ALPK2: variants seen among roughly 807,000 people sequenced by gnomAD.
ALPK2 encodes alpha-protein kinase 2.
Under a neutral mutation model 163.1 loss-of-function variants are expected in ALPK2, and 127 were observed. The observed-to-expected ratio is 0.78, with a 90% confidence interval of 0.67 to 0.90. The LOEUF (loss-of-function observed/expected upper bound fraction) is 0.90. Ranked by LOEUF, ALPK2 falls within the 40% of genes least tolerant of loss-of-function variation. The probability of loss-of-function intolerance (pLI) is 0.00; values close to 1 mark genes in which losing one functional copy is unlikely to be tolerated. For synonymous variants in ALPK2, 953 were observed against 959.1 expected (o/e 0.99, Z 0.12); for missense variants, 2,360 against 2,589.6 (o/e 0.91, Z 1.92).
chr18:58,555,208 C>A (rs1203082330), intron 4 of ALPK2, among the ~76,000 whole-genome samples: 1 of 152,212 alleles, frequency 6.6e-6, no homozygotes, highest in Admixed American at 6.5e-5. Context: ...CGAGTAACAA[C>A]TGGTTAAGCC....
chr18:58,526,792 T>C (rs1424208001), intron 6 of ALPK2, among the ~76,000 whole-genome samples: 1 of 152,214 alleles, frequency 6.6e-6, no homozygotes, highest in East Asian at 1.9e-4. Flanking sequence ...CGCTTTAGCC[T>C]GTTAAGGAAA....
Position 58,523,793 on chromosome 18 carries a change from C to G in ALPK2, c.5665+13G>C. 1 of 1,614,194 alleles carries G rather than the reference C, an allele frequency of 6.2e-7. No individual in the cohort carries two copies. Among genetic ancestry groups the G allele is most frequent in the East Asian group, 2.2e-5 (1 of 44,892 alleles). ...GCCCATTTCCTCTGGCAGGTCAACC[C>G]TAACTGACTTACCTTTAGTATCCTG... is the stretch of plus-strand genomic sequence containing the variant. On this transcript the variant is annotated intron_variant, in intron 8 of 12. Transcript: ENST00000361673.
chr18:58,490,505 C>T (rs1221969595), intron 12 of ALPK2, among the ~76,000 whole-genome samples: 4 of 152,104 alleles, frequency 2.6e-5, no homozygotes, highest in African/African-American at 9.7e-5. Context: ...TCCTGGCACT[C>T]TCTGCCTTTC....
At chr18:58,595,410 T>A (rs1298939174) in intron 3 of ALPK2, among the ~76,000 whole-genome samples, 1 of 152,240 alleles carries the variant, frequency 6.6e-6, no homozygotes, top group Admixed American at 6.5e-5. Context: ...GAAGTCCTTA[T>A]GATCACTCCT....
intron 4 of ALPK2, among the ~76,000 whole-genome samples, chr18:58,565,762 C>CCTTTCTTTCTTTCTTT (rs2051849020): frequency 7.0e-6 from 1 of 143,220 alleles, no homozygotes; most frequent in Admixed American, 7.0e-5. Flanking sequence ...TTCCTTCCTT[C>CCTTTCTTTCTTTCTTT]CTTCCTTCCT....
At chr18:58,618,425 G>A (rs866964668) in intron 1 of ALPK2, among the ~76,000 whole-genome samples, 5 of 152,296 alleles carry the variant, frequency 3.3e-5, no homozygotes, top group Admixed American at 6.5e-5. Flanking sequence ...GATGTGGGGC[G>A]TGGATTCCTG....
In ALPK2 at chr18:58,579,819, G is replaced by A. The variant is rs778839906; in HGVS notation, c.957C>T (p.Thr319=). The change falls in exon 4 of 13, where the codon ACC becomes ACT. Residue 319 remains threonine (T), a synonymous_variant. Transcript: ENST00000361673. ...CCAGGTCATCATCTGAAAACTCCTC[G>A]GTGTAGGTTAGGGTTATCTCTGGGC... ...ELCPEITLTY[T]EEFSDDDLEY... 40 of 1,613,928 alleles carry A rather than the reference G, an allele frequency of 2.5e-5. No individual in the cohort carries two copies. The highest frequency in any genetic ancestry group is 3.3e-5 in the Admixed American group (2 of 60,002).
chr18:58,582,974 G>A (rs1428571112), intron 3 of ALPK2, among the ~76,000 whole-genome samples: 1 of 152,142 alleles, frequency 6.6e-6, no homozygotes, highest in Non-Finnish European at 1.5e-5. Flanking sequence ...TAAGTAGCAG[G>A]CTTCAGAGGG....
At chr18:58,515,588 C>T (rs2051517048) in intron 9 of ALPK2, among the ~76,000 whole-genome samples, 1 of 152,060 alleles carries the variant, frequency 6.6e-6, no homozygotes, top group South Asian at 2.1e-4. Context: ...GGAGGTTTTC[C>T]AAGACTGTGT....
intron 5 of ALPK2, among the ~76,000 whole-genome samples, chr18:58,534,453 G>A (rs1225412500): frequency 2.6e-5 from 4 of 152,284 alleles, no homozygotes; most frequent in East Asian, 1.9e-4. Flanking sequence ...ACTGATTAAT[G>A]CTTCTGTTTA....
intron 11 of ALPK2, among the ~76,000 whole-genome samples, chr18:58,501,779 G>T (rs2051432473): frequency 6.6e-6 from 1 of 151,978 alleles, no homozygotes; most frequent in African/African-American, 2.4e-5. Context: ...TCTCTGCAGG[G>T]TTATTATGAA....
rs9958735 is a variant in ALPK2 at position 58,579,948 on chromosome 18, T to G, written c.828A>C (p.Leu276=). Residue 276 remains leucine (L), a synonymous_variant, in exon 4 of 13, where the codon CTA becomes CTC. Transcript: ENST00000361673. ...VQKYISFSLP[L]SEATAHIYPG... Reference sequence around the variant, plus strand: ...GGTAAATGTGTGCAGTTGCCTCAGATAGCGGGAGGCTGAAGCTAATGTATT... The same window carrying G: ...GGTAAATGTGTGCAGTTGCCTCAGAGAGCGGGAGGCTGAAGCTAATGTATT... 12 of 1,613,892 alleles carry G rather than the reference T, an allele frequency of 7.4e-6. No homozygotes were observed. The highest frequency in any genetic ancestry group is 9.3e-6 in the Non-Finnish European group (11 of 1,179,958).
At chr18:58,609,952 C>T (rs1035166956) in intron 2 of ALPK2, among the ~76,000 whole-genome samples, 5 of 152,070 alleles carry the variant, frequency 3.3e-5, no homozygotes, top group African/African-American at 1.2e-4. Flanking sequence ...AGAGGCTGAG[C>T]GCACAGTTCT....
intron 4 of ALPK2, among the ~76,000 whole-genome samples, chr18:58,571,427 GAA>G (rs77059313): frequency 1.1e-4 from 12 of 108,722 alleles, no homozygotes; most frequent in East Asian, 2.4e-4. Flanking sequence ...ACATCCACAG[GAA>G]AAAAAAAAAA....
intron 3 of ALPK2, among the ~76,000 whole-genome samples, chr18:58,597,611 C>T (rs1188964390): frequency 2.6e-5 from 4 of 152,192 alleles, no homozygotes; most frequent in African/African-American, 9.7e-5. Flanking sequence ...TACTTACACT[C>T]TCACAGAGTG....
intron 2 of ALPK2, among the ~76,000 whole-genome samples, chr18:58,607,899 G>A (rs1380267328): frequency 6.6e-6 from 1 of 152,134 alleles, no homozygotes; most frequent in Non-Finnish European, 1.5e-5. Flanking sequence ...CAATAGAAAT[G>A]CAAATAATTT....
intron 2 of ALPK2, among the ~76,000 whole-genome samples, chr18:58,608,481 A>G (rs1195674047): frequency 6.6e-6 from 1 of 152,226 alleles, no homozygotes; most frequent in Non-Finnish European, 1.5e-5. Flanking sequence ...GAGCTTTCTC[A>G]TTAGCCTTCA....
At chr18:58,569,849 G>A (rs1218052860) in intron 4 of ALPK2, among the ~76,000 whole-genome samples, 3 of 149,538 alleles carry the variant, frequency 2.0e-5, no homozygotes, top group South Asian at 4.3e-4. Context: ...CCGCCCTTCT[G>A]GCTGGGCGCG....
chr18:58,507,256 C>T (rs754678345), intron 10 of ALPK2, among the ~76,000 whole-genome samples: 4 of 152,072 alleles, frequency 2.6e-5, no homozygotes, highest in Admixed American at 1.3e-4. Context: ...GAAATGGCGG[C>T]GGGGCAGCTA....
Sources: allele counts gnomAD v4.1 joint callset (sites outside exome capture counted in the v4.1 genomes callset), GRCh38; gene constraint gnomAD v4.1.1; transcripts MANE v1.5; gene names NCBI Gene and HGNC (gene_info 2026-07-23, HGNC 2026-07-21).